The following TPM2 variants were observed in gnomAD, a reference collection of about 807,000 sequenced individuals.
TPM2 encodes the protein tropomyosin 2, also known as tropomyosin beta chain.
In TPM2, 26 loss-of-function variants were observed where a neutral mutation model predicts 41.0. The ratio of observed to expected loss-of-function variants is 0.63; its 90% confidence interval spans 0.46 to 0.88. The LOEUF is 0.88. Among genes scored for constraint, TPM2 ranks in the 40% least tolerant of loss-of-function variants. The probability of loss-of-function intolerance (pLI) is 0.00; values close to 1 mark genes in which losing one functional copy is unlikely to be tolerated. For synonymous variants in TPM2, 143 were observed against 139.3 expected (o/e 1.03, Z -0.19); for missense variants, 187 against 355.2 (o/e 0.53, Z 3.81).
At chr9:35,684,165 G>A in intron 8 of TPM2, 81 bp downstream of exon 8, 4 of 1,445,376 alleles carry the variant, frequency 2.8e-6, no homozygotes, top group Non-Finnish European at 3.9e-6. Flanking sequence ...TTTATTGGTG[G>A]CAAATAAAAT....
chr9:35,683,993 A>C (rs1218395009), intron 8 of TPM2: 4 of 510,728 alleles, frequency 7.8e-6, no homozygotes, highest in Non-Finnish European at 1.4e-5. Context: ...TTTGGGGCAG[A>C]GTCAAGGAAT....
chr9:35,683,526 G>A (rs1256873309), intron 8 of TPM2, among the ~76,000 whole-genome samples: 1 of 152,180 alleles, frequency 6.6e-6, no homozygotes, highest in Admixed American at 6.5e-5. Flanking sequence ...CGACAAGCAG[G>A]AGTGCTTGCT....
In TPM2 at chr9:35,683,247, G is replaced by GA. The variant is rs1563926687; in HGVS notation, c.773-7_773-6insT. 1 of 1,552,550 alleles carries GA rather than the reference G, an allele frequency of 6.4e-7. No individual in the cohort carries two copies. Among genetic ancestry groups the GA allele is most frequent in the African/African-American group, 1.4e-5 (1 of 73,044 alleles). ...CTTCTGGGCATAGACTTCATCTGGG[G>GA]GGGGTCCAGGGAGGGGACCAGGTGG... On this transcript the variant is annotated splice_region_variant and splice_polypyrimidine_tract_variant and intron_variant, in intron 8 of 8. Transcript: ENST00000645482.
Position 35,683,110 on chromosome 9 carries a change from G to A in TPM2, c.*49C>T. ...CTGCTCCCCTCCCCATAGAGAGAAT[G>A]GAAAGGAGAGGAGAGAAGAGAGCTG... On this transcript the variant is annotated 3_prime_UTR_variant, in exon 9 of 9. Coordinates refer to ENST00000645482, the MANE Select transcript of TPM2 (RefSeq NM_003289.4). The A allele has an allele frequency of 6.4e-7, 1 of 1,551,852 alleles. No homozygotes were observed. Among genetic ancestry groups the A allele is most frequent in the Non-Finnish European group, 8.7e-7 (1 of 1,147,032 alleles).
chr9:35,684,358 C>T lies in TPM2; in HGVS notation c.703-43G>A, dbSNP rs747887833. 14 of 1,611,582 alleles carry T rather than the reference C, an allele frequency of 8.7e-6. No individual in the cohort carries two copies. The Admixed American group carries it at 1.7e-4, about 19-fold the overall frequency. On this transcript the variant is annotated intron_variant, in intron 7 of 8. Transcript: ENST00000645482. ...ATGGGAGAAATGGCAAAGAATTAGGCCCTCCCACAGACTACTGCCTAAGTC... is the reference window on the plus strand; with the variant it reads ...ATGGGAGAAATGGCAAAGAATTAGGTCCTCCCACAGACTACTGCCTAAGTC...
At chr9:35,682,629 T>C (rs1052273593), downstream of TPM2, 8 of 1,305,724 alleles carry the variant, frequency 6.1e-6, no homozygotes, top group Middle Eastern at 3.0e-4. Context: ...CTCACCACCC[T>C]ACTTCCTTTC....
chr9:35,689,012 C>T, intron 2 of TPM2, 134 bp downstream of exon 2: 1 of 1,084,766 alleles, frequency 9.2e-7, no homozygotes, highest in Non-Finnish European at 1.4e-6. Context: ...GCCCTGGTTA[C>T]TGAGATGAAA....
chr9:35,685,400 G>A lies in TPM2; in HGVS notation c.492+34C>T, dbSNP rs780523662. 6.2e-7 allele frequency: 1 copy of A among 1,614,026 alleles called. No individual in the cohort carries two copies. The highest frequency in any genetic ancestry group is 1.3e-5 in the African/African-American group (1 of 74,920). On this transcript the variant is annotated intron_variant, in intron 4 of 8. Coordinates refer to ENST00000645482, the MANE Select transcript of TPM2 (RefSeq NM_003289.4). The surrounding 1 kb of genome is among the most constrained non-coding windows in gnomAD (Gnocchi z 5.0). ...AGAAGGACTGGGCATGTTGCAGGCT[G>A]GGCAGCGAGCAGGCAGAGGGGCAAG... is the stretch of plus-strand genomic sequence containing the variant.
Position 35,689,892 on chromosome 9 carries a change from C to A in TPM2, c.-75G>T. 1 of 1,608,180 alleles carries A rather than the reference C, an allele frequency of 6.2e-7. No homozygotes were observed. The highest frequency in any genetic ancestry group is 8.5e-7 in the Non-Finnish European group (1 of 1,178,340). ...CTGGGCTGGGTGAGCGGACTGGGTG[C>A]ACCGGTGGCAGGCGAGGAGGACGGA... On this transcript the variant is annotated 5_prime_UTR_variant, in exon 1 of 9. Coordinates refer to ENST00000645482, the MANE Select transcript of TPM2 (RefSeq NM_003289.4).
At chr9:35,689,980 G>A (rs1215816162), upstream of TPM2, 6 of 1,500,614 alleles carry the variant, frequency 4.0e-6, no homozygotes, top group Middle Eastern at 2.3e-4. Context: ...GGGCGGGGCC[G>A]GCAACCAGGA....
Position 35,685,210 on chromosome 9 carries a change from C to T in TPM2, c.563+59G>A. Reference sequence around the variant, plus strand: ...GCCCCAAGCCTAGGATGCTACCTTCCCACTGTGTGGAAGGCCCCAGGGCCA... The same window carrying T: ...GCCCCAAGCCTAGGATGCTACCTTCTCACTGTGTGGAAGGCCCCAGGGCCA... On this transcript the variant is annotated intron_variant, in intron 5 of 8. Coordinates refer to ENST00000645482, the MANE Select transcript of TPM2 (RefSeq NM_003289.4). This position sits in a 1 kb window ranked among gnomAD's most constrained non-coding sequence, Gnocchi z 5.0. 6.2e-7 allele frequency: 1 copy of T among 1,614,156 alleles called. No individual in the cohort carries two copies. The highest frequency in any genetic ancestry group is 8.5e-7 in the Non-Finnish European group (1 of 1,180,030).
At chr9:35,684,965 C>G (rs1824800963) in intron 5 of TPM2, 158 bp from the exon 6 acceptor site, 2 of 1,612,344 alleles carry the variant, frequency 1.2e-6, no homozygotes, top group African/African-American at 2.7e-5. Context: ...CCTTCCTGAT[C>G]CCCAGCAGCT....
At chr9:35,682,721 G>C (rs747183349), downstream of TPM2, 2 of 1,315,262 alleles carry the variant, frequency 1.5e-6, no homozygotes, top group Non-Finnish European at 2.0e-6. Context: ...TGGTTTGATG[G>C]GGCCACACGT....
In TPM2 at chr9:35,685,741, G is replaced by A; in HGVS notation, c.280C>T (p.Leu94=). 6.2e-7 allele frequency: 1 copy of A among 1,614,182 alleles called. No individual in the cohort carries two copies. The change falls in exon 3 of 9, where the codon CTG becomes TTG. Residue 94 remains leucine, a synonymous_variant. Transcript: ENST00000645482. The surrounding 1 kb of genome is among the most constrained non-coding windows in gnomAD (Gnocchi z 5.0). ...GCCCGGTCCAGCTCCTCCTCAACCAGCTGAATGCGGCGGTTCAGGGAGGCC... is the reference window on the plus strand; with the variant it reads ...GCCCGGTCCAGCTCCTCCTCAACCAACTGAATGCGGCGGTTCAGGGAGGCC... The part of the protein sequence containing the change: ...DVASLNRRIQ[L]VEEELDRAQE...
chr9:35,689,933 C>A, upstream of TPM2: 1 of 1,587,896 alleles, frequency 6.3e-7, no homozygotes, highest in Non-Finnish European at 8.5e-7. Context: ...ACTGGGACGT[C>A]CCGGCCACGC....
At position 35,683,368 on chromosome 9, in the gene TPM2, G is replaced by A. The variant is rs773807399; in HGVS notation, c.773-127C>T. On this transcript the variant is annotated intron_variant, in intron 8 of 8. Coordinates refer to ENST00000645482, the MANE Select transcript of TPM2 (RefSeq NM_003289.4). ...AGAGGTACACAAAGACAGAGTGAGA[G>A]AGGGAGGCCAGGGAACAGGCTGGAC... 2.7e-5 allele frequency: 26 copies of A among 949,554 alleles called. No homozygotes were observed. In the South Asian group the frequency reaches 3.1e-4, roughly 11 times the overall value. The allele number at this position is 949,554 out of a possible 1,614,324, so 58.8% of individuals were successfully genotyped here.
At chr9:35,686,083 T>C (rs1005115485) in intron 2 of TPM2, among the ~76,000 whole-genome samples, 2 of 152,104 alleles carry the variant, frequency 1.3e-5, no homozygotes, top group African/African-American at 4.8e-5. Context: ...AAACTCTGTC[T>C]CTATTAAAAA....
At position 35,685,595 on chromosome 9, in the gene TPM2, A is replaced by G. The variant is rs778627472; in HGVS notation, c.375-44T>C. ...GTGAGCGTAGGGTCAGGACCAGCAG[A>G]GACAGGCTCCCTTCTCCCTCCCGGA... On this transcript the variant is annotated intron_variant, in intron 3 of 8. Coordinates refer to ENST00000645482, the MANE Select transcript of TPM2 (RefSeq NM_003289.4). This position sits in a 1 kb window ranked among gnomAD's most constrained non-coding sequence, Gnocchi z 5.0. 6 of 1,613,990 alleles carry G rather than the reference A, an allele frequency of 3.7e-6. No individual in the cohort carries two copies. The highest frequency in any genetic ancestry group is 5.1e-6 in the Non-Finnish European group (6 of 1,180,022).
In TPM2 at chr9:35,685,149, G is replaced by A. The variant is rs1824821198; in HGVS notation, c.563+120C>T. 2 of 1,614,068 alleles carry A rather than the reference G, an allele frequency of 1.2e-6. No homozygotes were observed. Among genetic ancestry groups the A allele is most frequent in the African/African-American group, 1.3e-5 (1 of 74,932 alleles). On this transcript the variant is annotated intron_variant, in intron 5 of 8. Transcript: ENST00000645482. The surrounding 1 kb of genome is among the most constrained non-coding windows in gnomAD (Gnocchi z 5.0). ...CAGCTGTCTGGCTCGGCTGGGGGCA[G>A]CGGGCAGGGGTCAGAGAACAGGGCC... is the stretch of plus-strand genomic sequence containing the variant.
Sources: gnomAD v4.1 joint callset for allele counts (sites outside exome capture counted in the v4.1 genomes callset) on GRCh38, gnomAD v4.1.1 for gene constraint, Gnocchi (gnomAD v3.1) non-coding constraint, MANE v1.5 for transcripts, NCBI Gene and HGNC (gene_info 2026-07-23, HGNC 2026-07-21) for gene names.